Variants in BLOC1S3 observed in about 807,000 individuals in gnomAD.
BLOC1S3 encodes the protein biogenesis of lysosomal organelles complex 1 subunit 3.
BLOC1S3 carries 7 observed loss-of-function variants against 9.1 expected under a neutral mutation model. The ratio of observed to expected loss-of-function variants is 0.77; its 90% CI spans 0.44 to 1.45. The LOEUF is 1.45. BLOC1S3 is among the 40% of genes most tolerant of loss of function. BLOC1S3 has a pLI of 0.01. For missense variants in BLOC1S3, 307 were observed against 315.2 expected (o/e 0.97, Z 0.20); for synonymous variants, 145 against 158.4 (o/e 0.92, Z 0.64).
chr19:45,202,210 TAAAAAAAAAA>T (rs59295257), intron 2 of BLOC1S3, among the ~76,000 whole-genome samples: 50 of 54,938 alleles, frequency 9.1e-4, no homozygotes, highest in Middle Eastern at 0.011. Context: ...AGACTCCATC[TAAAAAAAAAA>T]AAAAAAAAAA....
At chr19:45,206,156 T>C (rs1469398396) in intron 3 of BLOC1S3, among the ~76,000 whole-genome samples, 3 of 151,968 alleles carry the variant, frequency 2.0e-5, no homozygotes, top group Non-Finnish European at 2.9e-5. Flanking sequence ...AAGACCAGCC[T>C]GGCCAACATG....
At chr19:45,208,492 G>A (rs778626949) in intron 3 of BLOC1S3, among the ~76,000 whole-genome samples, 7 of 150,736 alleles carry the variant, frequency 4.6e-5, no homozygotes, top group Non-Finnish European at 5.9e-5. Flanking sequence ...GGTGGCTCAC[G>A]CCTGTAATCC....
intron 2 of BLOC1S3, among the ~76,000 whole-genome samples, chr19:45,195,120 G>T (rs1969637407): frequency 6.6e-6 from 1 of 152,014 alleles, no homozygotes; most frequent in Non-Finnish European, 1.5e-5. Context: ...TGTTGGTCAG[G>T]CTGGGCTTGA....
In BLOC1S3 at chr19:45,181,471, C is replaced by T. The variant is rs964231841; in HGVS notation, c.*1566C>T. The T allele has an allele frequency of 6.0e-6, 1 of 167,154 alleles. No individual in the cohort carries two copies. Among genetic ancestry groups the T allele is most frequent in the African/African-American group, 2.4e-5 (1 of 41,458 alleles). 10.4% of individuals were successfully genotyped at this position (167,154 alleles called of 1,614,324 possible). ...CACTTCGGGCCCAATTCAGCCCAGT[C>T]CTGGTGCTTTCAGCGCCAGATGACA... is the stretch of plus-strand genomic sequence containing the variant. On this transcript the variant is annotated 3_prime_UTR_variant, in exon 2 of 2. Coordinates refer to ENST00000433642, the MANE Select transcript of BLOC1S3 (RefSeq NM_212550.5).
At chr19:45,213,069 T>C in intron 3 of BLOC1S3, 1 of 1,485,848 alleles carries the variant, frequency 6.7e-7, no homozygotes, top group East Asian at 2.4e-5. Flanking sequence ...TGGGTGACCC[T>C]CAGCGCTGGG....
intron 3 of BLOC1S3, among the ~76,000 whole-genome samples, chr19:45,210,289 CTTTTTTTTTTTT>C (rs71173125): frequency 5.4e-5 from 4 of 74,422 alleles, no homozygotes; most frequent in Non-Finnish European, 1.0e-4. Flanking sequence ...ACTATTTTAA[CTTTTTTTTTTTT>C]TTTTTTTTTT....
chr19:45,192,357 T>C (rs1455261528), intron 2 of BLOC1S3, among the ~76,000 whole-genome samples: 1 of 152,082 alleles, frequency 6.6e-6, no homozygotes, highest in East Asian at 1.9e-4. Flanking sequence ...AGAAATGACA[T>C]CCAAGAGCCA....
intron 3 of BLOC1S3, among the ~76,000 whole-genome samples, chr19:45,204,109 C>A (rs1358802599): frequency 6.6e-6 from 1 of 151,696 alleles, no homozygotes; most frequent in Admixed American, 6.6e-5. Context: ...CCGGTTCAAG[C>A]AATTCTCCTG....
chr19:45,192,876 G>A (rs1404622353), intron 2 of BLOC1S3, among the ~76,000 whole-genome samples: 2 of 152,116 alleles, frequency 1.3e-5, no homozygotes, highest in Non-Finnish European at 1.5e-5. Flanking sequence ...GCTCACGCCT[G>A]TAATCCCAGC....
chr19:45,189,455 G>A (rs369752370), intron 2 of BLOC1S3, among the ~76,000 whole-genome samples: 2 of 148,930 alleles, frequency 1.3e-5, no homozygotes, highest in Admixed American at 6.7e-5. Context: ...TTTTTGAGAC[G>A]GAGTTTCGCT....
At chr19:45,188,157 G>A (rs1258637821) in intron 2 of BLOC1S3, among the ~76,000 whole-genome samples, 2 of 151,964 alleles carry the variant, frequency 1.3e-5, no homozygotes, top group African/African-American at 4.8e-5. Flanking sequence ...CGAGTAGCTG[G>A]GATTACAAGT....
At chr19:45,189,777 C>T (rs1304500101) in intron 2 of BLOC1S3, among the ~76,000 whole-genome samples, 2 of 152,032 alleles carry the variant, frequency 1.3e-5, no homozygotes, top group East Asian at 1.9e-4. Flanking sequence ...GTTCTATAAC[C>T]TTCTTACATT....
chr19:45,182,420 C>A (rs1969532144), downstream of BLOC1S3, among the ~76,000 whole-genome samples: 1 of 151,044 alleles, frequency 6.6e-6, no homozygotes, highest in Non-Finnish European at 1.5e-5. Context: ...TTAATCCCAG[C>A]ACTTTGGGAG....
At chr19:45,215,857 T>C (rs1475259395) in intron 3 of BLOC1S3, among the ~76,000 whole-genome samples, 1 of 152,184 alleles carries the variant, frequency 6.6e-6, no homozygotes, top group Non-Finnish European at 1.5e-5. Context: ...GCCTGTTTGT[T>C]TGTGAGCCCT....
intron 2 of BLOC1S3, among the ~76,000 whole-genome samples, chr19:45,200,117 T>C (rs560254617): frequency 6.6e-6 from 1 of 152,218 alleles, no homozygotes; most frequent in South Asian, 2.1e-4. Context: ...TTCTTCAGGT[T>C]GATCAATTCT....
At chr19:45,207,938 T>C (rs1377991466) in intron 3 of BLOC1S3, among the ~76,000 whole-genome samples, 1 of 151,896 alleles carries the variant, frequency 6.6e-6, no homozygotes, top group African/African-American at 2.4e-5. Flanking sequence ...GATGTTAGCA[T>C]CAGGTAAGTG....
At chr19:45,189,828 T>C (rs766231743) in intron 2 of BLOC1S3, among the ~76,000 whole-genome samples, 11 of 152,064 alleles carry the variant, frequency 7.2e-5, no homozygotes, top group Non-Finnish European at 1.3e-4. Context: ...AAGTTCTGTG[T>C]TATTATTCCT....
intron 3 of BLOC1S3, among the ~76,000 whole-genome samples, chr19:45,213,771 CCTCT>C (rs1323032446): frequency 2.0e-5 from 3 of 151,452 alleles, no homozygotes; most frequent in African/African-American, 7.3e-5. Flanking sequence ...ATGGCGAAAC[CCTCT>C]CTCTACTAAA....
downstream of BLOC1S3, among the ~76,000 whole-genome samples, chr19:45,183,475 C>CA (rs56825766): frequency 0.013 from 1,662 of 130,188 alleles, 15 homozygotes; most frequent in South Asian, 0.04. Flanking sequence ...GACTCTGTCT[C>CA]AAAAAAAAAA....
Sources: gnomAD v4.1 joint callset for allele counts (sites outside exome capture counted in the v4.1 genomes callset) on GRCh38, gnomAD v4.1.1 for gene constraint, MANE v1.5 for transcripts, NCBI Gene and HGNC (gene_info 2026-07-23, HGNC 2026-07-21) for gene names.